ZMYM2: variants seen among roughly 807,000 people sequenced by gnomAD.
ZMYM2 encodes the protein zinc finger MYM-type protein 2.
ZMYM2 carries 56 observed loss-of-function variants against 162.8 expected under a neutral mutation model. The ratio of observed to expected loss-of-function variants is 0.34; its 90% CI spans 0.28 to 0.43. The LOEUF (loss-of-function observed/expected upper bound fraction) is 0.43, where lower values mean the gene tolerates loss of function less well. Ranked by LOEUF, ZMYM2 falls within the 20% of genes least tolerant of loss-of-function variation. The probability of loss-of-function intolerance (pLI) is 1.00; values close to 1 mark genes in which losing one functional copy is unlikely to be tolerated. For missense variants in ZMYM2, 1,275 were observed against 1,621.8 expected, an observed-to-expected ratio of 0.79 and a Z score of 3.67; for synonymous variants, 510 against 541.6, an observed-to-expected ratio of 0.94 and a Z score of 0.81.
In ZMYM2 at chr13:20,006,465, T is replaced by C; in HGVS notation, c.1391T>C (p.Met464Thr). The C allele has an allele frequency of 6.2e-7, 1 of 1,613,128 alleles. No individual in the cohort carries two copies. The highest frequency in any genetic ancestry group is 8.5e-7 in the Non-Finnish European group (1 of 1,179,452). The part of the protein sequence containing the change: ...NRYRMANGLI[M>T]NCCEQCGEYL... ...TATAGAATGGCCAATGGTTTAATAATGAATTGCTGTGAACAGTGTGGAGAG... is the reference window on the plus strand; with the variant it reads ...TATAGAATGGCCAATGGTTTAATAACGAATTGCTGTGAACAGTGTGGAGAG... Residue 464 changes from methionine to threonine, a missense_variant, in exon 6 of 25, where the codon ATG (methionine) becomes ACG (threonine). Met to Thr is a moderately conservative substitution (Grantham distance 81). Around this residue, in one of 10 missense-constraint regions of ZMYM2, gnomAD observed 276 missense variants for 311.8 expected, o/e 0.89. Coordinates refer to ENST00000610343, the MANE Select transcript of ZMYM2 (RefSeq NM_197968.4).
chr13:20,031,343 A>G lies in ZMYM2; in HGVS notation c.1876A>G (p.Asn626Asp), dbSNP rs1953116437. 4.4e-6 allele frequency: 7 copies of G among 1,608,844 alleles called. No individual in the cohort carries two copies. Among genetic ancestry groups the G allele is most frequent in the African/African-American group, 1.3e-5 (1 of 74,576 alleles). ...FQALSMQSSP[N>D]GQFVAPSDIQ... Reference sequence around the variant, plus strand: ...GGCTCTAAGTATGCAGTCATCTCCAAATGGCCAGTTTGTAGCGCCAAGTGA... The same window carrying G: ...GGCTCTAAGTATGCAGTCATCTCCAGATGGCCAGTTTGTAGCGCCAAGTGA... The change falls in exon 10 of 25, where the codon AAT (asparagine) becomes GAT (aspartate). Residue 626 changes from asparagine to aspartate, a missense_variant. This residue lies in a region of ZMYM2 where 276 missense variants were observed against 311.8 expected (regional missense o/e 0.89). Coordinates refer to ENST00000610343, the MANE Select transcript of ZMYM2 (RefSeq NM_197968.4).
chr13:19,925,744 ACCTGTATT>A, the ZMYM2 span, among the ~76,000 whole-genome samples: 9 of 151,284 alleles, frequency 5.9e-5, no homozygotes, highest in Non-Finnish European at 1.2e-4. Context: ...TGTAGCACGC[ACCTGTATT>A]CCCAGTTACT....
chr13:20,048,731 T>C lies in ZMYM2; in HGVS notation c.2293-2702T>C, dbSNP rs928884079. On this transcript the variant is annotated intron_variant, in intron 12 of 24. Transcript: ENST00000610343. ...GAAAATGAAATTTCTGTTTAGCTGA[T>C]AGGTTGGATTAAGGTTTTTGAGTCA... Among the ~76,000 whole-genome samples, 23 of 152,004 alleles carry C rather than the reference T, an allele frequency of 1.5e-4. 1 individual carries two copies. In the South Asian group the frequency reaches 2.7e-3, roughly 18 times the overall value.
intron 2 of ZMYM2, among the ~76,000 whole-genome samples, chr13:19,971,262 A>ATTTTT (rs67460005): frequency 6.4e-5 from 5 of 78,330 alleles, no homozygotes; most frequent in African/African-American, 2.3e-4. Flanking sequence ...ATATATATAT[A>ATTTTT]TTTTTTTTTT....
upstream of ZMYM2, among the ~76,000 whole-genome samples, chr13:19,954,126 A>T (rs1409758941): frequency 9.2e-5 from 6 of 64,904 alleles, no homozygotes; most frequent in Admixed American, 3.0e-4. Flanking sequence ...GCTATGTTTA[A>T]TTTTTTTTTT....
chr13:20,036,993 A>C, intron 12 of ZMYM2, 84 bp downstream of exon 12: 4 of 1,326,104 alleles, frequency 3.0e-6, no homozygotes, highest in South Asian at 3.6e-5. Flanking sequence ...CTGGCAACTC[A>C]TTTATTTTAA....
At chr13:19,976,862 G>A (rs575957552) in intron 2 of ZMYM2, among the ~76,000 whole-genome samples, 2 of 152,294 alleles carry the variant, frequency 1.3e-5, no homozygotes, top group South Asian at 2.1e-4. Context: ...ATTTTTGGAA[G>A]GGTATAATGA....
chr13:19,876,619 G>A, the ZMYM2 span, among the ~76,000 whole-genome samples: 1 of 152,078 alleles, frequency 6.6e-6, no homozygotes, highest in East Asian at 1.9e-4. Context: ...CACCTCGCCT[G>A]GCCTAAAATT....
chr13:19,952,633 C>G, the ZMYM2 span, among the ~76,000 whole-genome samples: 2 of 152,078 alleles, frequency 1.3e-5, no homozygotes, highest in African/African-American at 2.4e-5. Flanking sequence ...GTTGCAAACA[C>G]TTTTTATTAC....
At chr13:20,064,038 G>A (rs925961219) in intron 18 of ZMYM2, among the ~76,000 whole-genome samples, 2 of 149,654 alleles carry the variant, frequency 1.3e-5, no homozygotes, top group Non-Finnish European at 3.0e-5. Flanking sequence ...TGTAAAATAA[G>A]TGTGCCCCAT....
At chr13:19,974,644 G>T (rs1052134008) in intron 2 of ZMYM2, among the ~76,000 whole-genome samples, 4 of 151,886 alleles carry the variant, frequency 2.6e-5, no homozygotes, top group Non-Finnish European at 4.4e-5. Flanking sequence ...GCTGATTTTT[G>T]TATTTTTAGT....
chr13:20,026,755 A>C lies in ZMYM2; in HGVS notation c.1728A>C (p.Lys576Asn). 33 of 1,590,994 alleles carry C rather than the reference A, an allele frequency of 2.1e-5. No homozygotes were observed. The highest frequency in any genetic ancestry group is 2.7e-5 in the Non-Finnish European group (32 of 1,174,938). ...ACAGTCACAAGACAAAATATGCAAA[A>C]TCACAAAGTAAGTTTCACATATTTG... ...CMNSHKTKYAKSQSLGIICHF... is the reference protein window; with the variant it reads ...CMNSHKTKYANSQSLGIICHF... The change falls in exon 8 of 25, where the codon AAA becomes AAC. Residue 576 changes from lysine to asparagine, a missense_variant. By Grantham distance (94) the Lys-to-Asn change is moderately conservative. Transcript: ENST00000610343.
chr13:19,987,162 C>CT (rs1949224043), intron 2 of ZMYM2, among the ~76,000 whole-genome samples: 1 of 147,460 alleles, frequency 6.8e-6, no homozygotes, highest in Non-Finnish European at 1.5e-5. Flanking sequence ...AAGTAAGCTG[C>CT]TTAAAACCAC....
the ZMYM2 span, among the ~76,000 whole-genome samples, chr13:19,945,511 C>G: frequency 6.6e-6 from 1 of 152,090 alleles, no homozygotes; most frequent in Non-Finnish European, 1.5e-5. Context: ...CTCAGCCTCC[C>G]AAAGTGCTGG....
At chr13:19,955,180 G>A (rs891820536), upstream of ZMYM2, among the ~76,000 whole-genome samples, 1 of 151,606 alleles carries the variant, frequency 6.6e-6, no homozygotes, top group East Asian at 1.9e-4. Context: ...GGATTATGCG[G>A]TAGCATAGTA....
the ZMYM2 span, among the ~76,000 whole-genome samples, chr13:19,887,270 T>G: frequency 6.6e-6 from 1 of 151,882 alleles, no homozygotes; most frequent in African/African-American, 2.4e-5. Flanking sequence ...GGCTCACGTA[T>G]GTAATCCCAG....
intron 19 of ZMYM2, 31 bp from the exon 20 acceptor site, chr13:20,066,820 A>G: frequency 6.6e-7 from 1 of 1,504,268 alleles, no homozygotes; most frequent in East Asian, 2.4e-5. Context: ...GGCTTTAAAA[A>G]AGATATTATT....
At chr13:19,868,818 T>C in the ZMYM2 span, among the ~76,000 whole-genome samples, 3 of 152,130 alleles carry the variant, frequency 2.0e-5, no homozygotes, top group Non-Finnish European at 4.4e-5. Flanking sequence ...TGGCACAATA[T>C]CGGCTCACTG....
chr13:19,880,051 C>T, the ZMYM2 span, among the ~76,000 whole-genome samples: 8 of 152,298 alleles, frequency 5.3e-5, no homozygotes, highest in Non-Finnish European at 8.8e-5. Flanking sequence ...CGCCTTTAGA[C>T]TCTAGGACCA....
Sources: gnomAD v4.1 joint callset for allele counts (sites outside exome capture counted in the v4.1 genomes callset) on GRCh38, gnomAD v4.1.1 for gene constraint, gnomAD v4.1.1 regional missense constraint, MANE v1.5 for transcripts, NCBI Gene and HGNC (gene_info 2026-07-23, HGNC 2026-07-21) for gene names.